Variants in RANBP17 observed in about 807,000 individuals in gnomAD.
RANBP17 encodes the protein RAN binding protein 17, also known as ran-binding protein 17.
In RANBP17, 158 loss-of-function variants were observed where a neutral mutation model predicts 141.2. The observed-to-expected ratio is 1.12, with a 90% CI of 0.98 to 1.28. The LOEUF (loss-of-function observed/expected upper bound fraction) is 1.28, where lower values mean the gene tolerates loss of function less well. Among genes scored for constraint, RANBP17 ranks in the 50% most tolerant of loss-of-function variants. The probability of loss-of-function intolerance (pLI) is 0.00; values close to 1 mark genes in which losing one functional copy is unlikely to be tolerated. For missense variants in RANBP17, 1,438 were observed against 1,290.7 expected, an observed-to-expected ratio of 1.11 and a Z score of -1.75; for synonymous variants, 430 against 450.0, an observed-to-expected ratio of 0.96 and a Z score of 0.56.
intron 14 of RANBP17, among the ~76,000 whole-genome samples, chr5:171,005,632 A>G (rs1779544113): frequency 1.3e-5 from 2 of 152,264 alleles, no homozygotes; most frequent in Admixed American, 1.3e-4. Flanking sequence ...ACCTAAAACC[A>G]TAAAAACCCT....
chr5:171,176,815 G>T (rs1225247539), intron 16 of RANBP17, among the ~76,000 whole-genome samples: 1 of 152,158 alleles, frequency 6.6e-6, no homozygotes, highest in Non-Finnish European at 1.5e-5. Context: ...GTGCAAACCA[G>T]ACATCCTCAC....
chr5:170,962,215 G>T (rs924274798), intron 13 of RANBP17, among the ~76,000 whole-genome samples: 1 of 152,216 alleles, frequency 6.6e-6, no homozygotes, highest in African/African-American at 2.4e-5. Flanking sequence ...TCATACACTT[G>T]CAGCTGAACC....
At chr5:171,199,294 C>T (rs994530926) in intron 18 of RANBP17, among the ~76,000 whole-genome samples, 3 of 151,968 alleles carry the variant, frequency 2.0e-5, no homozygotes, top group Admixed American at 1.3e-4. Context: ...GGCCTTGGCA[C>T]CCAAAGAGAA....
chr5:171,061,422 C>T (rs1783840213), intron 14 of RANBP17, among the ~76,000 whole-genome samples: 1 of 151,850 alleles, frequency 6.6e-6, no homozygotes, highest in South Asian at 2.1e-4. Context: ...GTTATGTACC[C>T]AGTAGTCATT....
intron 14 of RANBP17, among the ~76,000 whole-genome samples, chr5:171,043,696 A>T (rs1782393120): frequency 6.6e-6 from 1 of 152,110 alleles, no homozygotes; most frequent in African/African-American, 2.4e-5. Flanking sequence ...ATTTCTTTAT[A>T]TGTATGTAAC....
In RANBP17 at chr5:170,980,146, A is replaced by G. The variant is rs372620480; in HGVS notation, c.1710+11769A>G. 2.6e-5 allele frequency among the ~76,000 whole-genome samples: 4 copies of G among 152,274 alleles called. No individual in the cohort carries two copies. The East Asian group carries it at 7.7e-4, about 29-fold the overall frequency. ...CTGTGGAACTTTGAACTTGAGGGAG[A>G]TAATTTAGGGTATCTGGTGGAAGAC... On this transcript the variant is annotated intron_variant, in intron 14 of 27. Transcript: ENST00000523189.
intron 8 of RANBP17, among the ~76,000 whole-genome samples, chr5:170,915,513 T>TTTTTTG (rs939588086): frequency 1.3e-5 from 2 of 151,820 alleles, no homozygotes; most frequent in Non-Finnish European, 1.5e-5. Context: ...TCCTAAGGAG[T>TTTTTTG]TTTTTGTTTT....
At chr5:171,013,454 T>A (rs1204763916) in intron 14 of RANBP17, among the ~76,000 whole-genome samples, 1 of 152,208 alleles carries the variant, frequency 6.6e-6, no homozygotes, top group African/African-American at 2.4e-5. Context: ...TGCTCATTTC[T>A]CAGCCTGTTC....
At chr5:170,876,099 G>A (rs772030333) in intron 1 of RANBP17, among the ~76,000 whole-genome samples, 3 of 152,112 alleles carry the variant, frequency 2.0e-5, no homozygotes, top group Admixed American at 6.5e-5. Context: ...GCTGGAGAAC[G>A]GCAGAGACAG....
chr5:171,240,150 T>C (rs922675268), intron 22 of RANBP17, among the ~76,000 whole-genome samples: 3 of 149,858 alleles, frequency 2.0e-5, no homozygotes, highest in Admixed American at 6.6e-5. Context: ...CATATATTAC[T>C]TTATATTTTT....
At chr5:170,904,299 C>T (rs965270796) in intron 5 of RANBP17, 8 of 256,932 alleles carry the variant, frequency 3.1e-5, no homozygotes, top group African/African-American at 4.6e-5. Flanking sequence ...AAGAAAAAAG[C>T]TCACCTTCAT....
intron 4 of RANBP17, among the ~76,000 whole-genome samples, chr5:170,894,728 G>A (rs1581077022): frequency 6.6e-6 from 1 of 151,742 alleles, no homozygotes; most frequent in East Asian, 1.9e-4. Context: ...ACATACTTAT[G>A]TGTCTCCTTT....
intron 12 of RANBP17, among the ~76,000 whole-genome samples, chr5:170,935,734 C>T (rs905390742): frequency 1.3e-5 from 2 of 152,118 alleles, no homozygotes; most frequent in African/African-American, 2.4e-5. Flanking sequence ...TTAGGCTACT[C>T]GGGACTCAGG....
chr5:171,181,264 C>T (rs770896165), intron 16 of RANBP17, among the ~76,000 whole-genome samples: 6 of 152,076 alleles, frequency 3.9e-5, no homozygotes, highest in Admixed American at 2.0e-4. Flanking sequence ...GCATGACCAA[C>T]GTAGTGAAAC....
In RANBP17 at chr5:170,968,238, G is replaced by A; in HGVS notation, c.1575-4G>A. On this transcript the variant is annotated splice_polypyrimidine_tract_variant and splice_region_variant and intron_variant, in intron 13 of 27. Transcript: ENST00000523189. ...GGTTTTTTTTTTATTTTCCCTTCAT[G>A]AAGAGTTTTTCAGCTTATATCTTTA... The A allele has an allele frequency of 6.5e-7, 1 of 1,543,056 alleles. No homozygotes were observed. Among genetic ancestry groups the A allele is most frequent in the Non-Finnish European group, 8.7e-7 (1 of 1,154,220 alleles).
intron 14 of RANBP17, among the ~76,000 whole-genome samples, chr5:171,090,653 GAAAAAAAAA>G (rs56188053): frequency 6.7e-6 from 1 of 150,224 alleles, no homozygotes; most frequent in Non-Finnish European, 1.5e-5. Flanking sequence ...AGGTTTAGGA[GAAAAAAAAA>G]AATGGTTTCA....
At chr5:170,921,519 C>T (rs933464664) in intron 11 of RANBP17, among the ~76,000 whole-genome samples, 5 of 152,142 alleles carry the variant, frequency 3.3e-5, no homozygotes, top group East Asian at 3.9e-4. Context: ...AGTCAGGTAG[C>T]GTGATGCCTC....
Position 170,968,271 on chromosome 5 carries a change from C to T in RANBP17, c.1604C>T (p.Thr535Ile). Reference sequence around the variant, plus strand: ...TTTCAGCTTATATCTTTAATGGATACCGGATTGCCTCGATGTTGTAATGAG... The same window carrying T: ...TTTCAGCTTATATCTTTAATGGATATCGGATTGCCTCGATGTTGTAATGAG... ...RVFQLISLMD[T>I]GLPRCCNEKI... Residue 535 changes from threonine to isoleucine, a missense_variant, in exon 14 of 28, where the codon ACC becomes ATC. Transcript: ENST00000523189. 2 of 1,596,576 alleles carry T rather than the reference C, an allele frequency of 1.3e-6. No homozygotes were observed.
At chr5:170,986,565 TA>T (rs1330209306) in intron 14 of RANBP17, among the ~76,000 whole-genome samples, 1 of 151,850 alleles carries the variant, frequency 6.6e-6, no homozygotes, top group Non-Finnish European at 1.5e-5. Flanking sequence ...CATAAACATA[TA>T]TATATATATA....
Sources: allele counts gnomAD v4.1 joint callset (sites outside exome capture counted in the v4.1 genomes callset), GRCh38; gene constraint gnomAD v4.1.1; transcripts MANE v1.5; gene names NCBI Gene and HGNC (gene_info 2026-07-23, HGNC 2026-07-21).